The following LRRC4C variants were observed in gnomAD, a reference collection of about 807,000 sequenced individuals.
The protein encoded by LRRC4C is leucine-rich repeat-containing protein 4C.
LRRC4C carries 5 observed loss-of-function variants against 33.6 expected under a neutral mutation model. The observed-to-expected ratio is 0.15, with a 90% CI of 0.08 to 0.31. LRRC4C has a LOEUF of 0.31. Ranked by LOEUF, LRRC4C falls within the 10% of genes least tolerant of loss-of-function variation. LRRC4C has a pLI of 1.00. For synonymous variants in LRRC4C, 329 were observed against 302.0 expected (o/e 1.09, Z -0.93); for missense variants, 560 against 796.7 (o/e 0.70, Z 3.58).
At chr11:41,046,958 A>C (rs775909044) in intron 1 of LRRC4C, among the ~76,000 whole-genome samples, 23 of 152,182 alleles carry the variant, frequency 1.5e-4, no homozygotes, top group Non-Finnish European at 2.6e-4. Context: ...AGATTATAAA[A>C]TGGATTTTGG....
chr11:40,465,790 G>A (rs993096638), intron 3 of LRRC4C, among the ~76,000 whole-genome samples: 1 of 151,988 alleles, frequency 6.6e-6, no homozygotes, highest in African/African-American at 2.4e-5. Context: ...AGATGTTGGT[G>A]AGGATGCAAA....
chr11:40,218,979 C>T (rs1206846650), intron 5 of LRRC4C, among the ~76,000 whole-genome samples: 1 of 152,096 alleles, frequency 6.6e-6, no homozygotes, highest in African/African-American at 2.4e-5. Flanking sequence ...AGCTCTTTCA[C>T]CTCTTTTTGT....
intron 3 of LRRC4C, among the ~76,000 whole-genome samples, chr11:40,428,851 A>G (rs940642918): frequency 6.6e-6 from 1 of 152,176 alleles, no homozygotes; most frequent in Non-Finnish European, 1.5e-5. Flanking sequence ...ATGAAATCCA[A>G]TTTAAGAGCT....
At chr11:40,690,504 A>T (rs1945175056) in intron 2 of LRRC4C, among the ~76,000 whole-genome samples, 1 of 152,078 alleles carries the variant, frequency 6.6e-6, no homozygotes, top group Non-Finnish European at 1.5e-5. Flanking sequence ...TTTATAGGCG[A>T]AAAAACAGAA....
In LRRC4C at chr11:40,608,094, GA is replaced by G. The variant is rs552390694; in HGVS notation, c.-270+40047del. 1.5e-3 allele frequency among the ~76,000 whole-genome samples: 222 copies of G among 152,164 alleles called. 1 individual carries two copies. The highest frequency in any genetic ancestry group is 5.2e-3 in the African/African-American group (216 of 41,510). ...TTTCTTATAATTTAAATATATAGAA[GA>G]ATACAGAATACTAATACTGCAATGA... On this transcript the variant is annotated intron_variant, in intron 3 of 6. Coordinates refer to ENST00000528697, the MANE Select transcript of LRRC4C (RefSeq NM_001258419.2).
At chr11:40,593,059 C>T (rs1381259935) in intron 3 of LRRC4C, among the ~76,000 whole-genome samples, 2 of 152,182 alleles carry the variant, frequency 1.3e-5, no homozygotes, top group African/African-American at 2.4e-5. Context: ...AATTTCTCAA[C>T]TGGCAACTAG....
chr11:40,566,208 T>C (rs1957762669), intron 3 of LRRC4C, among the ~76,000 whole-genome samples: 1 of 151,562 alleles, frequency 6.6e-6, no homozygotes, highest in Admixed American at 6.6e-5. Flanking sequence ...ATTTGAGGTT[T>C]GTGTGTTGGA....
intron 1 of LRRC4C, among the ~76,000 whole-genome samples, chr11:41,347,074 C>A (rs1399425990): frequency 6.6e-6 from 1 of 152,030 alleles, no homozygotes; most frequent in African/African-American, 2.4e-5. Context: ...TATACATGCC[C>A]ATTACTCAAA....
chr11:40,443,411 A>G (rs1951483215), intron 3 of LRRC4C, among the ~76,000 whole-genome samples: 1 of 152,230 alleles, frequency 6.6e-6, no homozygotes, highest in Admixed American at 6.5e-5. Context: ...CCAAATTCCT[A>G]TACCAACTTT....
chr11:40,607,805 C>G (rs1338078115), intron 3 of LRRC4C, among the ~76,000 whole-genome samples: 1 of 152,102 alleles, frequency 6.6e-6, no homozygotes, highest in Admixed American at 6.6e-5. Context: ...GATTGCTAAG[C>G]CAAAGGAGCA....
chr11:40,877,256 G>T (rs558171846), intron 2 of LRRC4C, among the ~76,000 whole-genome samples: 3 of 152,162 alleles, frequency 2.0e-5, no homozygotes, highest in Middle Eastern at 3.4e-3. Flanking sequence ...TGTTCTGTCC[G>T]TATGCACATA....
At chr11:41,006,593 A>C (rs944746514) in intron 1 of LRRC4C, among the ~76,000 whole-genome samples, 2 of 152,184 alleles carry the variant, frequency 1.3e-5, no homozygotes, top group Non-Finnish European at 2.9e-5. Context: ...TGTCTAGCTT[A>C]GTGTGTATTT....
chr11:41,439,242 G>GTA (rs958499323), intron 1 of LRRC4C, among the ~76,000 whole-genome samples: 13 of 152,122 alleles, frequency 8.5e-5, no homozygotes, highest in African/African-American at 2.2e-4. Flanking sequence ...GTATTCCATG[G>GTA]TATATATATA....
chr11:41,220,711 T>C (rs947489281), intron 1 of LRRC4C, among the ~76,000 whole-genome samples: 1 of 152,202 alleles, frequency 6.6e-6, no homozygotes, highest in African/African-American at 2.4e-5. Flanking sequence ...TCTAATTTAA[T>C]AAACATAACT....
At chr11:40,359,862 G>A (rs566211698) in intron 3 of LRRC4C, among the ~76,000 whole-genome samples, 1 of 152,162 alleles carries the variant, frequency 6.6e-6, no homozygotes, top group African/African-American at 2.4e-5. Context: ...TAGTAGCTTT[G>A]GAATACTCTC....
chr11:40,973,799 T>C (rs1445893915), intron 1 of LRRC4C, among the ~76,000 whole-genome samples: 2 of 152,334 alleles, frequency 1.3e-5, no homozygotes, highest in East Asian at 3.9e-4. Context: ...TTTGATTCCA[T>C]TGTTGATTTT....
chr11:40,777,695 AT>A (rs941694156), intron 2 of LRRC4C, among the ~76,000 whole-genome samples: 25 of 145,514 alleles, frequency 1.7e-4, no homozygotes, highest in African/African-American at 3.3e-4. Context: ...TATTTTTTTT[AT>A]TTTTTTTTTG....
rs1042307667 is a variant in LRRC4C, at chr11:40,832,878, G to A, written c.-407+100757C>T. On this transcript the variant is annotated intron_variant, in intron 2 of 6. Transcript: ENST00000528697. ...TATGCCTATTAATATAAAATCATCC[G>A]AGTTCATTTGTAGTAAGCATTTATC... Among the ~76,000 whole-genome samples, 35 of 152,010 alleles carry A rather than the reference G, an allele frequency of 2.3e-4. No homozygotes were observed. The East Asian group carries it at 3.7e-3, about 16-fold the overall frequency.
chr11:40,738,892 G>A (rs1483053784), intron 2 of LRRC4C, among the ~76,000 whole-genome samples: 2 of 152,022 alleles, frequency 1.3e-5, no homozygotes, highest in Non-Finnish European at 2.9e-5. Context: ...TTAATGAGAT[G>A]CAATTGACAA....
Sources: allele counts gnomAD v4.1 joint callset (sites outside exome capture counted in the v4.1 genomes callset), GRCh38; gene constraint gnomAD v4.1.1; transcripts MANE v1.5; gene names NCBI Gene and HGNC (gene_info 2026-07-23, HGNC 2026-07-21).